The following SH3GL2 variants were observed in gnomAD, a reference collection of about 807,000 sequenced individuals.
SH3GL2 encodes the protein endophilin-A1.
Under a neutral mutation model 46.0 loss-of-function variants are expected in SH3GL2, and 24 were observed. The ratio of observed to expected loss-of-function variants is 0.52; its 90% CI spans 0.38 to 0.73. SH3GL2 has a LOEUF of 0.73. Among genes scored for constraint, SH3GL2 ranks in the 30% least tolerant of loss-of-function variants. SH3GL2 has a pLI of 0.00. For synonymous variants in SH3GL2, 196 were observed against 147.1 expected, an observed-to-expected ratio of 1.33 and a Z score of -2.40; for missense variants, 413 against 424.2, an observed-to-expected ratio of 0.97 and a Z score of 0.23.
chr9:17,786,128 G>A (rs1002928343), intron 3 of SH3GL2, among the ~76,000 whole-genome samples: 2 of 152,150 alleles, frequency 1.3e-5, no homozygotes, highest in African/African-American at 4.8e-5. Flanking sequence ...GAATTTGAGC[G>A]TGTAATCCTG....
chr9:17,688,283 G>A (rs1005885951), intron 1 of SH3GL2, among the ~76,000 whole-genome samples: 1 of 151,912 alleles, frequency 6.6e-6, no homozygotes, highest in Non-Finnish European at 1.5e-5. Flanking sequence ...TTGCCTTTTG[G>A]GGAGTTATTT....
Position 17,675,000 on chromosome 9 carries a change from G to A in SH3GL2, c.46-72066G>A, listed in dbSNP as rs574517145. Among the ~76,000 whole-genome samples the A allele has an allele frequency of 6.6e-5, 10 of 152,226 alleles. No homozygotes were observed. The South Asian group carries it at 1.9e-3, about 28-fold the overall frequency. ...GAGCCACCAGGTTACATTGCCAAGG[G>A]GTGTGCATACAGGGATGGGAGGAAT... On this transcript the variant is annotated intron_variant, in intron 1 of 8. Transcript: ENST00000380607.
intron 1 of SH3GL2, among the ~76,000 whole-genome samples, chr9:17,643,000 T>C (rs925431268): frequency 1.3e-5 from 2 of 152,230 alleles, no homozygotes; most frequent in Non-Finnish European, 2.9e-5. Flanking sequence ...TTTCATGATA[T>C]TGATTCTTCC....
chr9:17,639,507 A>G (rs188285038), intron 1 of SH3GL2, among the ~76,000 whole-genome samples: 6 of 152,370 alleles, frequency 3.9e-5, no homozygotes, highest in Admixed American at 3.3e-4. Context: ...GGAATGGCCA[A>G]AGTTAAAAAG....
intron 1 of SH3GL2, among the ~76,000 whole-genome samples, chr9:17,627,933 C>A (rs563176782): frequency 2.0e-5 from 3 of 152,158 alleles, no homozygotes; most frequent in Admixed American, 6.5e-5. Context: ...GTTTTAACCT[C>A]TTCATGTCTC....
At chr9:17,768,276 C>T (rs1823373328) in intron 3 of SH3GL2, among the ~76,000 whole-genome samples, 1 of 146,364 alleles carries the variant, frequency 6.8e-6, no homozygotes, top group African/African-American at 2.6e-5. Flanking sequence ...GAGGCTGAGG[C>T]AGGAGAATGG....
intron 1 of SH3GL2, chr9:17,590,996 G>A (rs538837314): frequency 4.6e-5 from 7 of 152,306 alleles, no homozygotes; most frequent in Admixed American, 1.3e-4. Flanking sequence ...CTACTCAAGT[G>A]ATATGCCTTC....
intron 2 of SH3GL2, among the ~76,000 whole-genome samples, chr9:17,747,477 A>G (rs1468989164): frequency 6.6e-6 from 1 of 152,054 alleles, no homozygotes; most frequent in Admixed American, 6.5e-5. Context: ...ATGACATCCC[A>G]AATGTTTTTG....
intron 1 of SH3GL2, among the ~76,000 whole-genome samples, chr9:17,591,713 T>C (rs1419582876): frequency 6.6e-6 from 1 of 152,178 alleles, no homozygotes; most frequent in Admixed American, 6.5e-5. Flanking sequence ...CAGTTTAATA[T>C]GGAGTAGTAG....
At chr9:17,760,923 A>G (rs1483109562) in intron 2 of SH3GL2, among the ~76,000 whole-genome samples, 2 of 152,336 alleles carry the variant, frequency 1.3e-5, no homozygotes, top group East Asian at 3.9e-4. Flanking sequence ...AGACTCTAGC[A>G]TCAAGATTTT....
chr9:17,656,770 C>CAAAAAAAAAAAAAAAAAAAAAAAAAAA (rs36079244), intron 1 of SH3GL2, among the ~76,000 whole-genome samples: 1 of 101,566 alleles, frequency 9.8e-6, no homozygotes, highest in Non-Finnish European at 1.9e-5. Flanking sequence ...GACTACATCT[C>CAAAAAAAAAAAAAAAAAAAAAAAAAAA]AAAAAAAAAA....
intron 1 of SH3GL2, among the ~76,000 whole-genome samples, chr9:17,680,458 G>T (rs2118038211): frequency 6.6e-6 from 1 of 152,210 alleles, no homozygotes; most frequent in South Asian, 2.1e-4. Flanking sequence ...TTGTATTTCT[G>T]TGGGATTGGT....
chr9:17,729,642 G>A (rs986936345), intron 1 of SH3GL2, among the ~76,000 whole-genome samples: 2 of 152,244 alleles, frequency 1.3e-5, no homozygotes, highest in African/African-American at 4.8e-5. Flanking sequence ...TTTGTATAAG[G>A]TGTAAGGAAG....
intron 1 of SH3GL2, among the ~76,000 whole-genome samples, chr9:17,656,717 C>T (rs1200112229): frequency 1.4e-5 from 2 of 139,382 alleles, no homozygotes; most frequent in African/African-American, 2.6e-5. Flanking sequence ...TTGTAGTGAG[C>T]CGAGTTAGTG....
chr9:17,738,055 A>T (rs761890304), intron 1 of SH3GL2, among the ~76,000 whole-genome samples: 21 of 152,206 alleles, frequency 1.4e-4, no homozygotes, highest in Middle Eastern at 3.4e-3. Context: ...ACACCATTGT[A>T]TTGAAATGAT....
chr9:17,684,439 T>G (rs1387396490), intron 1 of SH3GL2, among the ~76,000 whole-genome samples: 1 of 152,054 alleles, frequency 6.6e-6, no homozygotes, highest in Non-Finnish European at 1.5e-5. Context: ...CCAAAAATGT[T>G]AGAGCCCCTA....
At chr9:17,699,182 TACAG>T in intron 1 of SH3GL2, among the ~76,000 whole-genome samples, 1 of 138,648 alleles carries the variant, frequency 7.2e-6, no homozygotes, top group East Asian at 2.1e-4. Flanking sequence ...AAAAATCAAA[TACAG>T]AAAGACATGG....
chr9:17,703,859 G>A (rs181921384), intron 1 of SH3GL2, among the ~76,000 whole-genome samples: 171 of 151,938 alleles, frequency 1.1e-3, no homozygotes, highest in African/African-American at 3.5e-3. Context: ...ACTGAATGAT[G>A]AAAGCATTCC....
rs753267094 is a variant in SH3GL2, at chr9:17,795,584, C to T, written c.900C>T (p.Asp300=). The T allele has an allele frequency of 1.2e-6, 2 of 1,613,930 alleles. No individual in the cohort carries two copies. The highest frequency in any genetic ancestry group is 1.7e-5 in the Admixed American group (1 of 59,982). Reference sequence around the variant, plus strand: ...AGCCCTGCTGCCGAGCTCTGTACGACTTTGAACCTGAAAATGAAGGGGAGT... The same window carrying T: ...AGCCCTGCTGCCGAGCTCTGTACGATTTTGAACCTGAAAATGAAGGGGAGT... ...MDQPCCRALY[D]FEPENEGELG... Residue 300 remains aspartate (D), a synonymous_variant, in exon 9 of 9, where the codon GAC becomes GAT. Transcript: ENST00000380607.
Sources: gnomAD v4.1 joint callset for allele counts (sites outside exome capture counted in the v4.1 genomes callset) on GRCh38, gnomAD v4.1.1 for gene constraint, MANE v1.5 for transcripts, NCBI Gene and HGNC (gene_info 2026-07-23, HGNC 2026-07-21) for gene names.